Variants in SLIT1 observed in about 807,000 individuals in gnomAD.
The protein encoded by SLIT1 is slit homolog 1 protein.
A neutral mutation model predicts 186.1 loss-of-function variants in SLIT1; 66 were observed. That is an observed-to-expected ratio of 0.35 (90% CI 0.29 to 0.44). The LOEUF is 0.44. SLIT1 is among the 20% of genes least tolerant of loss of function. The pLI, the probability that SLIT1 is intolerant of heterozygous loss-of-function variation, is 1.00. For missense variants in SLIT1, 1,638 were observed against 2,037.4 expected (o/e 0.80, Z 3.77); for synonymous variants, 761 against 833.8 (o/e 0.91, Z 1.50).
intron 4 of SLIT1, among the ~76,000 whole-genome samples, chr10:97,080,134 G>A (rs571924432): frequency 4.0e-4 from 61 of 152,244 alleles, no homozygotes; most frequent in African/African-American, 7.9e-4. Context: ...AATGGGCCCC[G>A]GGCTTCTCAC....
At position 97,064,152 on chromosome 10, in the gene SLIT1, G is replaced by A. The variant is rs746829342; in HGVS notation, c.629+16C>T. On this transcript the variant is annotated intron_variant, in intron 7 of 36. Coordinates refer to ENST00000266058, the MANE Select transcript of SLIT1 (RefSeq NM_003061.3). ...GGGCTTGGCTGCCCCGCTCCCAGCTGCCCCGGCTGACTCACAAGGTCCGTA... is the reference window on the plus strand; with the variant it reads ...GGGCTTGGCTGCCCCGCTCCCAGCTACCCCGGCTGACTCACAAGGTCCGTA... 1.5e-5 allele frequency: 24 copies of A among 1,606,876 alleles called. No homozygotes were observed. The highest frequency in any genetic ancestry group is 2.0e-5 in the Non-Finnish European group (23 of 1,176,094).
chr10:97,018,729 T>C, intron 27 of SLIT1, 46 bp from the exon 28 acceptor site: 1 of 1,308,988 alleles, frequency 7.6e-7, no homozygotes, highest in Non-Finnish European at 1.1e-6. Context: ...ACCCAGGAGT[T>C]AGTATGAGCC....
At chr10:97,024,006 G>A (rs1437605909) in intron 25 of SLIT1, among the ~76,000 whole-genome samples, 1 of 152,102 alleles carries the variant, frequency 6.6e-6, no homozygotes, top group African/African-American at 2.4e-5. Context: ...AGCGAGGGAA[G>A]GAAAAGTGGG....
At chr10:97,146,284 G>A (rs1242845501) in intron 4 of SLIT1, among the ~76,000 whole-genome samples, 1 of 152,152 alleles carries the variant, frequency 6.6e-6, no homozygotes, top group African/African-American at 2.4e-5. Context: ...TACAAACCTG[G>A]GTCACGGCTT....
rs1848301756 is a variant in SLIT1 at position 97,001,003 on chromosome 10, G to A, written c.*109C>T. The A allele has an allele frequency of 1.2e-6, 1 of 848,986 alleles. No homozygotes were observed. The highest frequency in any genetic ancestry group is 2.4e-5 in the Admixed American group (1 of 41,636). The allele number at this position is 848,986 out of a possible 1,614,324, so 52.6% of individuals were successfully genotyped here. On this transcript the variant is annotated 3_prime_UTR_variant, in exon 37 of 37. Coordinates refer to ENST00000266058, the MANE Select transcript of SLIT1 (RefSeq NM_003061.3). ...CACCCAGGAGGGCCCAGCTGCCCAG[G>A]AGCCGTCCTGTGATGACCTGCACCC...
chr10:97,082,520 C>T (rs997648776), intron 4 of SLIT1, among the ~76,000 whole-genome samples: 121 of 151,910 alleles, frequency 8.0e-4, no homozygotes, highest in Non-Finnish European at 1.2e-3. Context: ...CTGGAAGCTC[C>T]GCCTTCTGGG....
At chr10:97,146,544 C>A (rs760566708) in intron 4 of SLIT1, among the ~76,000 whole-genome samples, 3 of 151,538 alleles carry the variant, frequency 2.0e-5, no homozygotes, top group African/African-American at 4.8e-5. Flanking sequence ...ACTACCCACA[C>A]AGAGAGGTAC....
At chr10:97,079,903 G>A (rs1275063143) in intron 4 of SLIT1, among the ~76,000 whole-genome samples, 1 of 152,206 alleles carries the variant, frequency 6.6e-6, no homozygotes. Flanking sequence ...ACAGGAGCAA[G>A]GATCTGGGAG....
chr10:97,063,337 T>A, intron 8 of SLIT1, 118 bp downstream of exon 8: 4 of 1,092,486 alleles, frequency 3.7e-6, no homozygotes, highest in Non-Finnish European at 5.4e-6. Flanking sequence ...GGCCAGGTGA[T>A]GGGCGGGGTC....
At chr10:97,027,393 GA>G (rs1848555394) in intron 25 of SLIT1, among the ~76,000 whole-genome samples, 1 of 152,220 alleles carries the variant, frequency 6.6e-6, no homozygotes, top group African/African-American at 2.4e-5. Context: ...GCAAACACAT[GA>G]ATATAAGTAC....
chr10:97,064,765 G>A, intron 6 of SLIT1, 40 bp downstream of exon 6: 1 of 1,493,252 alleles, frequency 6.7e-7, no homozygotes, highest in Non-Finnish European at 9.2e-7. Context: ...GCCTAGCAGG[G>A]CCCTCCACAC....
chr10:97,004,470 C>T lies in SLIT1; in HGVS notation c.3710+223G>A, dbSNP rs181067569. Among the ~76,000 whole-genome samples the T allele has an allele frequency of 3.7e-4, 56 of 152,306 alleles. No homozygotes were observed. Among genetic ancestry groups the T allele is most frequent in the Admixed American group, 2.2e-3 (33 of 15,306 alleles). On this transcript the variant is annotated intron_variant, in intron 33 of 36. Coordinates refer to ENST00000266058, the MANE Select transcript of SLIT1 (RefSeq NM_003061.3). This position sits in a 1 kb window ranked among gnomAD's most constrained non-coding sequence, Gnocchi z 5.1. ...AAGTCTCCCCCTCCCCATTAAGGAG[C>T]CTCCTCTAAGGTGGTGGTGGGATGG...
At chr10:97,079,032 G>A (rs761493866) in intron 4 of SLIT1, among the ~76,000 whole-genome samples, 4 of 152,312 alleles carry the variant, frequency 2.6e-5, no homozygotes, top group South Asian at 2.1e-4. Flanking sequence ...AAGGACATGA[G>A]CTTTGGAGCC....
intron 22 of SLIT1, among the ~76,000 whole-genome samples, chr10:97,035,179 G>C (rs1056736211): frequency 6.6e-6 from 1 of 152,108 alleles, no homozygotes; most frequent in Admixed American, 6.5e-5. Flanking sequence ...ACTGTCTTTG[G>C]GGGCCTTTGG....
chr10:97,002,205 G>A lies in SLIT1; in HGVS notation c.4319C>T (p.Ala1440Val). Reference sequence around the variant, plus strand: ...AAAGCCGGGGTCACACACACAGTGTGCCCCCTTGGTGCCTGAGGCCTGGCA... The same window carrying A: ...AAAGCCGGGGTCACACACACAGTGTACCCCCTTGGTGCCTGAGGCCTGGCA... Reference protein sequence around the residue: ...GHCQASGTKGAHCVCDPGFSG... With the variant: ...GHCQASGTKGVHCVCDPGFSG... Residue 1440 changes from alanine to valine, a missense_variant, in exon 36 of 37, where the codon GCA becomes GTA. Physicochemically the swap from Ala to Val is moderately conservative, Grantham distance 64. Coordinates refer to ENST00000266058, the MANE Select transcript of SLIT1 (RefSeq NM_003061.3). 1.3e-6 allele frequency: 2 copies of A among 1,573,262 alleles called. No homozygotes were observed. The highest frequency in any genetic ancestry group is 1.1e-5 in the South Asian group (1 of 87,542).
chr10:97,185,159 C>A (rs565636816), intron 1 of SLIT1, among the ~76,000 whole-genome samples: 1 of 152,372 alleles, frequency 6.6e-6, no homozygotes, highest in East Asian at 1.9e-4. Flanking sequence ...CTTTCTGACA[C>A]CAGTTCGCAG....
At chr10:97,035,397 C>T (rs867531313) in intron 22 of SLIT1, among the ~76,000 whole-genome samples, 3 of 152,160 alleles carry the variant, frequency 2.0e-5, no homozygotes, top group Non-Finnish European at 1.5e-5. Context: ...ACTCCGCCCG[C>T]ATCTTGTTCT....
intron 4 of SLIT1, among the ~76,000 whole-genome samples, chr10:97,069,266 T>C (rs564423686): frequency 1.3e-5 from 2 of 152,186 alleles, no homozygotes; most frequent in Non-Finnish European, 2.9e-5. Flanking sequence ...GAGCCCAACA[T>C]GAAACCAAAC....
At chr10:97,070,597 G>A (rs1168963099) in intron 4 of SLIT1, among the ~76,000 whole-genome samples, 2 of 152,170 alleles carry the variant, frequency 1.3e-5, no homozygotes, top group Admixed American at 6.5e-5. Flanking sequence ...TAGGTCATGT[G>A]AGCTCCATCC....
Sources: gnomAD v4.1 joint callset for allele counts (sites outside exome capture counted in the v4.1 genomes callset) on GRCh38, gnomAD v4.1.1 for gene constraint, Gnocchi (gnomAD v3.1) non-coding constraint, MANE v1.5 for transcripts, NCBI Gene and HGNC (gene_info 2026-07-23, HGNC 2026-07-21) for gene names.